The following NUCB2 variants were observed in gnomAD, a reference collection of about 807,000 sequenced individuals.
NUCB2 encodes nucleobindin 2, also known as nucleobindin-2.
A neutral mutation model predicts 57.9 loss-of-function variants in NUCB2; 48 were observed. The observed-to-expected ratio is 0.83, with a 90% CI of 0.66 to 1.05. The LOEUF is 1.05. NUCB2 is among the 50% of genes least tolerant of loss of function. The probability of loss-of-function intolerance (pLI) is 0.00; values close to 1 mark genes in which losing one functional copy is unlikely to be tolerated. For missense variants in NUCB2, 442 were observed against 476.2 expected, an observed-to-expected ratio of 0.93 and a Z score of 0.67; for synonymous variants, 139 against 152.1, an observed-to-expected ratio of 0.91 and a Z score of 0.64.
At chr11:17,312,801 G>A (rs1402654279) in intron 10 of NUCB2, among the ~76,000 whole-genome samples, 2 of 150,626 alleles carry the variant, frequency 1.3e-5, no homozygotes, top group Admixed American at 1.3e-4. Flanking sequence ...CTGCCTCCCG[G>A]GTTCAAGTGA....
rs115767617 is a variant in NUCB2, at chr11:17,282,592, G to A, written c.-155-197G>A. Among the ~76,000 whole-genome samples, 494 of 151,882 alleles carry A rather than the reference G, an allele frequency of 3.3e-3. 2 individuals carry two copies. Among genetic ancestry groups the A allele is most frequent in the African/African-American group, 0.011 (471 of 41,426 alleles). On this transcript the variant is annotated intron_variant, in intron 1 of 13. Transcript: ENST00000529010. The stretch of plus-strand genomic sequence containing the variant: ...TTTGTTTATTCCGGTTTTTGATTCT[G>A]TTTATTTCATGTATCTTTCTCCCCT...
downstream of NUCB2, among the ~76,000 whole-genome samples, chr11:17,336,807 GT>G (rs892283032): frequency 8.0e-5 from 11 of 137,162 alleles, no homozygotes; most frequent in Non-Finnish European, 1.7e-4. Flanking sequence ...ATAGATATAT[GT>G]TTTTTATGCC....
chr11:17,329,447 A>T (rs1951104991), intron 11 of NUCB2, among the ~76,000 whole-genome samples: 1 of 152,220 alleles, frequency 6.6e-6, no homozygotes, highest in Non-Finnish European at 1.5e-5. Context: ...GAGGCCTGCC[A>T]GGAAATTCAG....
chr11:17,340,280 T>C (rs1012312141), intron 2 of NUCB2, among the ~76,000 whole-genome samples: 1 of 152,218 alleles, frequency 6.6e-6, no homozygotes, highest in Admixed American at 6.5e-5. Flanking sequence ...TTGTGAAAAT[T>C]TTCTCCCATT....
Position 17,330,384 on chromosome 11 carries a change from C to G in NUCB2, c.1173+87C>G. 5.6e-6 allele frequency: 5 copies of G among 890,750 alleles called. No individual in the cohort carries two copies. The highest frequency in any genetic ancestry group is 8.5e-6 in the Non-Finnish European group (5 of 585,160). The allele number at this position is 890,750 out of a possible 1,614,324, so 55.2% of individuals were successfully genotyped here. On this transcript the variant is annotated intron_variant, in intron 12 of 13. Coordinates refer to ENST00000529010, the MANE Select transcript of NUCB2 (RefSeq NM_005013.4). This position sits in a 1 kb window ranked among gnomAD's most constrained non-coding sequence, Gnocchi z 4.3. The stretch of plus-strand genomic sequence containing the variant: ...TGTTTTTGTAACATATTTCATTGTA[C>G]TATATAGTACACTGCTATAGCTATA...
chr11:17,312,252 T>G, intron 10 of NUCB2, 132 bp downstream of exon 10: 1 of 589,388 alleles, frequency 1.7e-6, no homozygotes, highest in Non-Finnish European at 2.9e-6. Flanking sequence ...GTTTTTTTTT[T>G]GAGACAGGGT....
intron 11 of NUCB2, among the ~76,000 whole-genome samples, chr11:17,316,164 G>T (rs1949217112): frequency 1.3e-5 from 2 of 151,912 alleles, no homozygotes; most frequent in Admixed American, 1.3e-4. Flanking sequence ...TAGAGATGGG[G>T]TTTCACCATC....
intron 4 of NUCB2, 55 bp downstream of exon 4, chr11:17,296,266 A>G: frequency 1.8e-6 from 2 of 1,103,190 alleles, no homozygotes; most frequent in Non-Finnish European, 2.6e-6. Flanking sequence ...AAATTTTTTT[A>G]GAGATGAGGT....
chr11:17,323,481 G>A (rs1287455320), intron 11 of NUCB2, among the ~76,000 whole-genome samples: 3 of 152,052 alleles, frequency 2.0e-5, no homozygotes, highest in Non-Finnish European at 4.4e-5. Flanking sequence ...CTATTATTTT[G>A]TTGAGTATTT....
Position 17,310,923 on chromosome 11 carries a change from A to G in NUCB2, c.582A>G (p.Thr194=). The G allele has an allele frequency of 6.3e-7, 1 of 1,592,202 alleles. No homozygotes were observed. The highest frequency in any genetic ancestry group is 2.2e-5 in the East Asian group (1 of 44,570). The change falls in exon 7 of 14, where the codon ACA becomes ACG. Residue 194 remains threonine (T), a synonymous_variant. Transcript: ENST00000529010. The stretch of plus-strand genomic sequence containing the variant: ...ATGAAAGGAGAGAATATTTAAAAAC[A>G]TTGAATGAAGAAAAGAGAAAAGAAG... ...KEHERREYLK[T]LNEEKRKEEE...
chr11:17,281,406 C>T (rs761437513), intron 1 of NUCB2, among the ~76,000 whole-genome samples: 2 of 152,134 alleles, frequency 1.3e-5, no homozygotes, highest in Admixed American at 1.3e-4. Context: ...AGGTGTGAGC[C>T]ACCATGCCCA....
intron 10 of NUCB2, among the ~76,000 whole-genome samples, chr11:17,314,691 C>CT: frequency 6.6e-6 from 1 of 152,180 alleles, no homozygotes; most frequent in Non-Finnish European, 1.5e-5. Flanking sequence ...GCCAAAAACT[C>CT]TGATATAGGC....
At position 17,295,347 on chromosome 11, in the gene NUCB2, ACAGT is replaced by A; in HGVS notation, c.25_28del (p.Gln9IlefsTer5). ...AGATGAGGTGGAGGACCATCCTGCTACAGTATTGCTTTCTCTTGATTACATGTTT... is the reference window on the plus strand; with the variant it reads ...AGATGAGGTGGAGGACCATCCTGCTAATTGCTTTCTCTTGATTACATGTTT... On this transcript the variant is annotated frameshift_variant, in exon 3 of 14. Transcript: ENST00000529010. LOFTEE classifies it high-confidence loss of function. 1 of 1,611,574 alleles carries A rather than the reference ACAGT, an allele frequency of 6.2e-7. No individual in the cohort carries two copies. Among genetic ancestry groups the A allele is most frequent in the Non-Finnish European group, 8.5e-7 (1 of 1,178,498 alleles).
intron 6 of NUCB2, among the ~76,000 whole-genome samples, chr11:17,309,928 T>C (rs546392974): frequency 6.6e-6 from 1 of 152,296 alleles, no homozygotes; most frequent in Admixed American, 6.5e-5. Flanking sequence ...AGTAAAACCA[T>C]TTACAGTTTT....
At chr11:17,304,276 C>T (rs1335865802) in intron 5 of NUCB2, among the ~76,000 whole-genome samples, 1 of 151,754 alleles carries the variant, frequency 6.6e-6, no homozygotes, top group Admixed American at 6.6e-5. Context: ...CTCACTGCAA[C>T]CTCCGCCTCC....
chr11:17,341,532 T>C (rs1259700113), intron 2 of NUCB2, among the ~76,000 whole-genome samples: 1 of 152,230 alleles, frequency 6.6e-6, no homozygotes, highest in African/African-American at 2.4e-5. Context: ...TGAAGTGTTG[T>C]TGAATTTTGT....
chr11:17,300,717 T>A (rs1160066522), intron 4 of NUCB2, among the ~76,000 whole-genome samples: 1 of 152,218 alleles, frequency 6.6e-6, no homozygotes, highest in African/African-American at 2.4e-5. Flanking sequence ...AGTATGAATA[T>A]GCAGCTATGG....
chr11:17,282,238 A>ATCTATCTATCTATC (rs35737787), intron 1 of NUCB2, among the ~76,000 whole-genome samples: 9,874 of 115,376 alleles, frequency 0.086, 536 homozygotes, highest in Middle Eastern at 0.19. Flanking sequence ...CTATCTATCT[A>ATCTATCTATCTATC]TATATATATA....
chr11:17,282,230 ATCTATC>A (rs1467726176), intron 1 of NUCB2, among the ~76,000 whole-genome samples: 2 of 54,134 alleles, frequency 3.7e-5, no homozygotes. Flanking sequence ...CTATCTATCT[ATCTATC>A]TATATATATA....
Sources: gnomAD v4.1 joint callset for allele counts (sites outside exome capture counted in the v4.1 genomes callset) on GRCh38, gnomAD v4.1.1 for gene constraint, Gnocchi (gnomAD v3.1) non-coding constraint, MANE v1.5 for transcripts, NCBI Gene and HGNC (gene_info 2026-07-23, HGNC 2026-07-21) for gene names.